Variants in TRAF3IP2 observed in about 807,000 individuals in gnomAD.
The protein encoded by TRAF3IP2 is TRAF3 interacting protein 2, also known as E3 ubiquitin ligase TRAF3IP2.
A neutral mutation model predicts 57.9 loss-of-function variants in TRAF3IP2; 35 were observed. That is an observed-to-expected ratio of 0.60 (90% confidence interval 0.46 to 0.80). The LOEUF (loss-of-function observed/expected upper bound fraction) is 0.80, where lower values mean the gene tolerates loss of function less well. TRAF3IP2 is among the 30% of genes least tolerant of loss of function. The pLI is 0.00. For synonymous variants in TRAF3IP2, 251 were observed against 268.9 expected (o/e 0.93, Z 0.65); for missense variants, 556 against 706.4 (o/e 0.79, Z 2.41).
At position 111,588,349 on chromosome 6, in the gene TRAF3IP2, G is replaced by A. The variant is rs112033404; in HGVS notation, c.829+2909C>T. Among the ~76,000 whole-genome samples the A allele has an allele frequency of 7.1e-3, 1,079 of 152,274 alleles. 8 individuals carry two copies. The highest frequency in any genetic ancestry group is 0.024 in the African/African-American group (1,015 of 41,542). On this transcript the variant is annotated intron_variant, in intron 2 of 8. Transcript: ENST00000368761. ...CAGAAGGAAATAATACAGAGAGCAAGGGGATGGTGAAATGATGAAAGAAAG... is the reference window on the plus strand; with the variant it reads ...CAGAAGGAAATAATACAGAGAGCAAAGGGATGGTGAAATGATGAAAGAAAG...
At chr6:111,559,610 C>A in intron 8 of TRAF3IP2, 59 bp from the exon 9 acceptor site, 1 of 1,579,358 alleles carries the variant, frequency 6.3e-7, no homozygotes, top group Non-Finnish European at 8.6e-7. Context: ...GATGCCAGAT[C>A]CCAGGCTCAG....
intron 2 of TRAF3IP2, among the ~76,000 whole-genome samples, chr6:111,588,031 C>T (rs574527903): frequency 1.4e-4 from 21 of 152,148 alleles, no homozygotes; most frequent in Non-Finnish European, 2.8e-4. Context: ...TGGGAGATTG[C>T]ACCAATTTAC....
chr6:111,598,792 T>C (rs1249594075), intron 1 of TRAF3IP2, among the ~76,000 whole-genome samples: 2 of 152,232 alleles, frequency 1.3e-5, no homozygotes, highest in Non-Finnish European at 2.9e-5. Context: ...AAGGCTCCAC[T>C]AGTGATTCTG....
intron 1 of TRAF3IP2, among the ~76,000 whole-genome samples, chr6:111,603,078 A>AGGTGTGCACACACAC (rs1796920719): frequency 8.2e-6 from 1 of 121,784 alleles, no homozygotes; most frequent in African/African-American, 3.0e-5. Flanking sequence ...TGCACACACA[A>AGGTGTGCACACACAC]GGTGTGCACA....
chr6:111,593,821 G>A (rs951267486), intron 1 of TRAF3IP2, among the ~76,000 whole-genome samples: 2 of 152,030 alleles, frequency 1.3e-5, no homozygotes, highest in African/African-American at 2.4e-5. Context: ...AATAAATATC[G>A]CAACTTTTTA....
intron 2 of TRAF3IP2, among the ~76,000 whole-genome samples, chr6:111,581,702 G>A (rs1217105735): frequency 1.4e-5 from 2 of 147,878 alleles, no homozygotes; most frequent in African/African-American, 5.1e-5. Context: ...TTAAGGCCAG[G>A]CGTGGTGGCT....
chr6:111,590,253 C>T (rs1028769153), intron 2 of TRAF3IP2, among the ~76,000 whole-genome samples: 2 of 152,180 alleles, frequency 1.3e-5, no homozygotes, highest in Admixed American at 6.5e-5. Context: ...TGAAAGTACA[C>T]GTTTGCATTT....
intron 5 of TRAF3IP2, among the ~76,000 whole-genome samples, chr6:111,568,574 G>A (rs1795730811): frequency 6.6e-6 from 1 of 151,944 alleles, no homozygotes; most frequent in Non-Finnish European, 1.5e-5. Flanking sequence ...GAGTGTCCCT[G>A]GGGAGGGGTT....
At chr6:111,576,994 TTAAAA>T (rs979560651) in intron 3 of TRAF3IP2, 1 of 152,036 alleles carries the variant, frequency 6.6e-6, no homozygotes, top group African/African-American at 2.4e-5. Context: ...GTAACAGGAT[TTAAAA>T]TAAAATTACA....
chr6:111,573,990 A>G (rs1021850758), intron 4 of TRAF3IP2: 2 of 152,138 alleles, frequency 1.3e-5, no homozygotes, highest in African/African-American at 4.8e-5. Context: ...ATGGCACTCA[A>G]TTTTCTTCTG....
At chr6:111,593,964 C>G (rs551137333) in intron 1 of TRAF3IP2, among the ~76,000 whole-genome samples, 7 of 152,186 alleles carry the variant, frequency 4.6e-5, no homozygotes, top group Non-Finnish European at 1.5e-5. Context: ...AACCCCCTTT[C>G]TACTAGAAGT....
intron 1 of TRAF3IP2, chr6:111,597,730 G>C (rs1009624056): frequency 2.4e-6 from 1 of 410,680 alleles, no homozygotes; most frequent in South Asian, 1.8e-5. Context: ...ACTGGGGACA[G>C]AGGTGAGTCC....
chr6:111,603,069 GCACACACAAGGTGTGCACA>G (rs1353714157), intron 1 of TRAF3IP2, among the ~76,000 whole-genome samples: 2 of 143,872 alleles, frequency 1.4e-5, no homozygotes, highest in Non-Finnish European at 1.5e-5. Flanking sequence ...GAAGGTCTGT[GCACACACAAGGTGTGCACA>G]CACACACACA....
At chr6:111,601,243 C>T (rs774810507) in intron 1 of TRAF3IP2, 8 of 761,582 alleles carry the variant, frequency 1.1e-5, no homozygotes, top group Admixed American at 6.9e-5. Context: ...TTCTGTACAG[C>T]ATCACCAGGC....
Position 111,557,265 on chromosome 6 carries a change from AT to A in TRAF3IP2, c.*2139del, listed in dbSNP as rs1390695268. 1 of 152,168 alleles carries A rather than the reference AT, an allele frequency of 6.6e-6. No individual in the cohort carries two copies. The highest frequency in any genetic ancestry group is 2.4e-5 in the African/African-American group (1 of 41,436). The allele number at this position is 152,168 out of a possible 1,614,324, so 9.4% of individuals were successfully genotyped here. A position where few individuals can be genotyped will look rare whatever the true frequency, so the allele number is the denominator to read the frequency against. On this transcript the variant is annotated 3_prime_UTR_variant, in exon 9 of 9. Coordinates refer to ENST00000368761, the MANE Select transcript of TRAF3IP2 (RefSeq NM_147686.4). The stretch of plus-strand genomic sequence containing the variant: ...CATTGTCTTAGTAGCTTGGGCCATA[AT>A]TAAAGCCATCCCACCTTTATAGTTT...
intron 2 of TRAF3IP2, among the ~76,000 whole-genome samples, chr6:111,585,404 T>A (rs1006000131): frequency 1.3e-5 from 2 of 152,126 alleles, no homozygotes; most frequent in African/African-American, 4.8e-5. Context: ...GGCTCACTCC[T>A]TTCCCCAGGA....
At chr6:111,566,174 T>C (rs1795628990) in intron 7 of TRAF3IP2, among the ~76,000 whole-genome samples, 2 of 152,204 alleles carry the variant, frequency 1.3e-5, no homozygotes, top group Admixed American at 6.5e-5. Flanking sequence ...AGAGCACGTC[T>C]TTCCAGAATC....
chr6:111,567,221 G>A, intron 6 of TRAF3IP2: 1 of 1,006,738 alleles, frequency 9.9e-7, no homozygotes, highest in Non-Finnish European at 1.2e-6. Flanking sequence ...GGCACCTCGG[G>A]GGTGGTGTGC....
chr6:111,587,032 A>G (rs1344127980), intron 2 of TRAF3IP2: 2 of 152,016 alleles, frequency 1.3e-5, no homozygotes, highest in Non-Finnish European at 2.9e-5. Context: ...GGCCTCATAA[A>G]TATTCTAGGG....
Sources: allele counts gnomAD v4.1 joint callset (sites outside exome capture counted in the v4.1 genomes callset), GRCh38; gene constraint gnomAD v4.1.1; transcripts MANE v1.5; gene names NCBI Gene and HGNC (gene_info 2026-07-23, HGNC 2026-07-21).